The following CRTAC1 variants were observed in gnomAD, a reference collection of about 807,000 sequenced individuals.
CRTAC1 encodes the protein cartilage acidic protein 1.
A neutral mutation model predicts 67.8 loss-of-function variants in CRTAC1; 37 were observed. That is an observed-to-expected ratio of 0.55 (90% CI 0.42 to 0.72). The LOEUF (loss-of-function observed/expected upper bound fraction) is 0.72. Ranked by LOEUF, CRTAC1 falls within the 30% of genes least tolerant of loss-of-function variation. CRTAC1 has a pLI of 0.00. For synonymous variants in CRTAC1, 348 were observed against 371.0 expected (o/e 0.94, Z 0.71); for missense variants, 780 against 931.6 (o/e 0.84, Z 2.12).
At chr10:97,875,786 C>T (rs1466305731) in intron 14 of CRTAC1, 3 of 152,240 alleles carry the variant, frequency 2.0e-5, no homozygotes, top group African/African-American at 7.2e-5. Flanking sequence ...CGGCCGAGGT[C>T]CAGTGGCACT....
intron 2 of CRTAC1, among the ~76,000 whole-genome samples, chr10:97,952,087 C>T (rs1169654841): frequency 2.6e-5 from 4 of 152,084 alleles, no homozygotes; most frequent in African/African-American, 7.2e-5. Context: ...GCTTGGTGGC[C>T]CACACCTGTA....
chr10:98,018,214 A>G (rs1187049131), intron 1 of CRTAC1, among the ~76,000 whole-genome samples: 2 of 128,420 alleles, frequency 1.6e-5, no homozygotes, highest in Non-Finnish European at 3.5e-5. Context: ...AAAAAAAAAA[A>G]AAAAAAAAAA....
chr10:97,916,733 T>G (rs2050764520), intron 5 of CRTAC1, among the ~76,000 whole-genome samples: 1 of 152,214 alleles, frequency 6.6e-6, no homozygotes, highest in African/African-American at 2.4e-5. Flanking sequence ...GAATGTGGCT[T>G]AAGTTCACAT....
chr10:97,892,237 G>C (rs1398701748), intron 11 of CRTAC1, among the ~76,000 whole-genome samples: 1 of 152,190 alleles, frequency 6.6e-6, no homozygotes, highest in African/African-American at 2.4e-5. Flanking sequence ...AAGGGACCAA[G>C]TGAGGCCCCT....
chr10:97,998,065 G>C (rs957250590), intron 2 of CRTAC1, among the ~76,000 whole-genome samples: 4 of 152,160 alleles, frequency 2.6e-5, no homozygotes, highest in Admixed American at 2.6e-4. Flanking sequence ...TGATTTCCCA[G>C]GTTCAAGAGA....
intron 2 of CRTAC1, among the ~76,000 whole-genome samples, chr10:97,944,256 C>T (rs531970162): frequency 1.3e-5 from 2 of 152,070 alleles, no homozygotes; most frequent in South Asian, 4.2e-4. Context: ...GGTGAAACCC[C>T]ATCTCTACTA....
At chr10:97,929,744 T>C (rs2050974767) in intron 3 of CRTAC1, among the ~76,000 whole-genome samples, 1 of 152,224 alleles carries the variant, frequency 6.6e-6, no homozygotes, top group African/African-American at 2.4e-5. Flanking sequence ...ACCTGGCACA[T>C]GATAAGTTAA....
chr10:97,917,459 C>T (rs950549610), intron 5 of CRTAC1, 41 bp downstream of exon 5: 3 of 1,433,338 alleles, frequency 2.1e-6, no homozygotes, highest in Non-Finnish European at 2.8e-6. Context: ...CCCCCAGCCC[C>T]AGCCCCTCCA....
intron 8 of CRTAC1, 135 bp from the exon 9 acceptor site, chr10:97,897,126 G>A (rs866751442): frequency 1.8e-6 from 1 of 560,620 alleles, no homozygotes. Flanking sequence ...TGCCCACGGA[G>A]CCACTCTCTG....
intron 14 of CRTAC1, among the ~76,000 whole-genome samples, chr10:97,876,914 G>A (rs1189516021): frequency 7.5e-6 from 1 of 133,556 alleles, no homozygotes; most frequent in Non-Finnish European, 1.6e-5. Flanking sequence ...TGTTCAAAAA[G>A]CCTGTACTGC....
intron 14 of CRTAC1, among the ~76,000 whole-genome samples, chr10:97,872,476 G>A (rs1002605697): frequency 2.0e-5 from 3 of 152,166 alleles, no homozygotes; most frequent in Admixed American, 1.3e-4. Flanking sequence ...GGGAGGAAGC[G>A]TGTGTCCCAC....
rs770745878 is a variant in CRTAC1, at chr10:97,936,300, G to A, written c.291C>T (p.Val97=). The A allele has an allele frequency of 8.7e-6, 14 of 1,613,624 alleles. No individual in the cohort carries two copies. The highest frequency in any genetic ancestry group is 1.6e-4 in the Middle Eastern group (1 of 6,070). Residue 97 remains valine, a synonymous_variant, in exon 3 of 15, where the codon GTC becomes GTT. Transcript: ENST00000370597. The part of the protein sequence containing the change: ...RAQKRLVNIA[V]DERSSPYYAL... ...CGTAGTAGGGTGAGCTGCGCTCATCGACCGCGATGTTCACCAGCCGCTTCT... is the reference window on the plus strand; with the variant it reads ...CGTAGTAGGGTGAGCTGCGCTCATCAACCGCGATGTTCACCAGCCGCTTCT...
intron 2 of CRTAC1, among the ~76,000 whole-genome samples, chr10:97,986,189 G>A (rs981614962): frequency 6.6e-6 from 1 of 152,196 alleles, no homozygotes; most frequent in African/African-American, 2.4e-5. Context: ...CAGGGACTGG[G>A]CTCCCAAACA....
chr10:97,923,518 A>G (rs2050871110), intron 3 of CRTAC1, 118 bp from the exon 4 acceptor site: 2 of 1,249,804 alleles, frequency 1.6e-6, no homozygotes, highest in Non-Finnish European at 2.3e-6. Flanking sequence ...AGGTTGGGTC[A>G]TCTGCGGCAA....
chr10:97,967,398 T>G (rs2051635929), intron 2 of CRTAC1, among the ~76,000 whole-genome samples: 1 of 152,188 alleles, frequency 6.6e-6, no homozygotes, highest in Non-Finnish European at 1.5e-5. Context: ...TCTTGTCCCA[T>G]TCCTAGAATC....
intron 2 of CRTAC1, among the ~76,000 whole-genome samples, chr10:97,939,618 C>T (rs766241608): frequency 4.6e-5 from 7 of 152,162 alleles, no homozygotes; most frequent in Non-Finnish European, 7.3e-5. Flanking sequence ...ACACTCAGAG[C>T]CTCTCACAAT....
chr10:97,910,072 G>A (rs943063054), intron 5 of CRTAC1, among the ~76,000 whole-genome samples: 1 of 152,354 alleles, frequency 6.6e-6, no homozygotes, highest in African/African-American at 2.4e-5. Context: ...TTGGGGAAAT[G>A]TTGGTCAAAG....
rs150439902 is a variant in CRTAC1 at position 97,872,847 on chromosome 10, C to T, written c.1820-7133G>A. On this transcript the variant is annotated intron_variant, in intron 14 of 14. Coordinates refer to ENST00000370597, the MANE Select transcript of CRTAC1 (RefSeq NM_018058.7). Reference sequence around the variant, plus strand: ...GGGAAGATGCCGTGCTATCCCAGTCCCCAGATGAACTCCGCATTTGTAACT... The same window carrying T: ...GGGAAGATGCCGTGCTATCCCAGTCTCCAGATGAACTCCGCATTTGTAACT... Among the ~76,000 whole-genome samples, 779 of 152,204 alleles carry T rather than the reference C, an allele frequency of 5.1e-3. 8 individuals are homozygous for T. Among genetic ancestry groups the T allele is most frequent in the African/African-American group, 0.018 (739 of 41,516 alleles).
chr10:97,960,974 A>G (rs532961000), intron 2 of CRTAC1, among the ~76,000 whole-genome samples: 2 of 150,372 alleles, frequency 1.3e-5, no homozygotes, highest in East Asian at 3.9e-4. Flanking sequence ...TTTCAGATCC[A>G]CTCTTTTTTT....
Sources: allele counts gnomAD v4.1 joint callset (sites outside exome capture counted in the v4.1 genomes callset), GRCh38; gene constraint gnomAD v4.1.1; transcripts MANE v1.5; gene names NCBI Gene and HGNC (gene_info 2026-07-23, HGNC 2026-07-21).